TMEM164: variants seen among roughly 807,000 people sequenced by gnomAD.
The protein encoded by TMEM164 is RP13-360B22.2.
A neutral mutation model predicts 18.8 loss-of-function variants in TMEM164; 4 were observed. That is an observed-to-expected ratio of 0.21 (90% confidence interval 0.10 to 0.49). The LOEUF (loss-of-function observed/expected upper bound fraction) is 0.49, where lower values mean the gene tolerates loss of function less well. Among genes scored for constraint, TMEM164 ranks in the 20% least tolerant of loss-of-function variants. The pLI, the probability that TMEM164 is intolerant of heterozygous loss-of-function variation, is 0.98. For synonymous variants in TMEM164, 86 were observed against 101.7 expected, an observed-to-expected ratio of 0.85 and a Z score of 0.93; for missense variants, 108 against 239.9, an observed-to-expected ratio of 0.45 and a Z score of 3.63.
chrX:110,022,979 G>C (rs191961520), intron 2 of TMEM164, among the ~76,000 whole-genome samples: 1 of 112,556 alleles, frequency 8.9e-6, no homozygotes, highest in East Asian at 2.8e-4. Context: ...GCCAGGGCTG[G>C]TGTATATGGC....
Position 110,176,120 on chromosome X carries a change from G to A in TMEM164, c.*2669G>A, listed in dbSNP as rs1294440843. On this transcript the variant is annotated 3_prime_UTR_variant, in exon 7 of 7. Coordinates refer to ENST00000372068, the MANE Select transcript of TMEM164 (RefSeq NM_032227.4). ...CAGCGTGTGGGAGCTCTGCGCGTGT[G>A]TGAGGGTGTTTGTAGAAGAGGGCAG... 2.6e-6 allele frequency: 2 copies of A among 755,349 alleles called. No individual in the cohort carries two copies. The highest frequency in any genetic ancestry group is 1.7e-4 in the Admixed American group (2 of 11,475). 62.2% of individuals were successfully genotyped at this position (755,349 alleles called of 1,213,427 possible).
chrX:110,009,623 T>C (rs1602463404), intron 2 of TMEM164, among the ~76,000 whole-genome samples: 1 of 111,836 alleles, frequency 8.9e-6, no homozygotes, highest in East Asian at 2.8e-4. Context: ...ACCTGGATAA[T>C]GGTGACTGAA....
intron 3 of TMEM164, among the ~76,000 whole-genome samples, chrX:110,093,544 A>G (rs891899094): frequency 9.0e-6 from 1 of 111,583 alleles, no homozygotes; most frequent in Non-Finnish European, 1.9e-5. Context: ...CCCCTTTATC[A>G]TTTTTTATTG....
intron 5 of TMEM164, among the ~76,000 whole-genome samples, chrX:110,165,939 A>G (rs756986426): frequency 4.5e-4 from 51 of 112,382 alleles, no homozygotes; most frequent in African/African-American, 1.5e-3. Context: ...TAGCTGAAAC[A>G]TAAATTTGAC....
At chrX:110,138,069 G>A (rs143946190) in intron 4 of TMEM164, among the ~76,000 whole-genome samples, 1 of 112,128 alleles carries the variant, frequency 8.9e-6, no homozygotes, top group Non-Finnish European at 1.9e-5. Flanking sequence ...TCTTGCTAAG[G>A]CAGAATGATG....
At chrX:110,140,824 T>C (rs926811788) in intron 4 of TMEM164, among the ~76,000 whole-genome samples, 1 of 112,482 alleles carries the variant, frequency 8.9e-6, no homozygotes, top group African/African-American at 3.2e-5. Context: ...GAATTCCAGG[T>C]ATGAGTTCTC....
intron 3 of TMEM164, among the ~76,000 whole-genome samples, chrX:110,079,366 T>C (rs775265424): frequency 1.8e-5 from 2 of 112,128 alleles, no homozygotes; most frequent in East Asian, 5.6e-4. Flanking sequence ...CAAAATGTGT[T>C]GAGCATCCCC....
At chrX:110,124,583 G>A (rs2066503785) in intron 4 of TMEM164, among the ~76,000 whole-genome samples, 2 of 111,536 alleles carry the variant, frequency 1.8e-5, no homozygotes, top group African/African-American at 6.5e-5. Context: ...GTAGGATCCG[G>A]CCAGAGGAGC....
downstream of TMEM164, among the ~76,000 whole-genome samples, chrX:110,181,372 G>T (rs1451759693): frequency 8.9e-6 from 1 of 112,329 alleles, no homozygotes; most frequent in Non-Finnish European, 1.9e-5. Context: ...AGCACCTCAG[G>T]GTTGCTGGAG....
intron 4 of TMEM164, among the ~76,000 whole-genome samples, chrX:110,111,293 C>T (rs2066287086): frequency 8.9e-6 from 1 of 112,606 alleles, no homozygotes. Flanking sequence ...TAACAAAAAA[C>T]GGTGAATTTC....
intron 4 of TMEM164, among the ~76,000 whole-genome samples, chrX:110,113,426 A>G (rs1292672817): frequency 8.9e-6 from 1 of 112,213 alleles, no homozygotes; most frequent in Non-Finnish European, 1.9e-5. Context: ...TTAACATGAG[A>G]CACATGAGGA....
chrX:110,160,228 A>G (rs2148111006), intron 5 of TMEM164, among the ~76,000 whole-genome samples: 1 of 112,183 alleles, frequency 8.9e-6, no homozygotes. Flanking sequence ...GGGAAGTCAC[A>G]TCTTTATTTT....
intron 3 of TMEM164, among the ~76,000 whole-genome samples, chrX:110,098,684 T>G (rs1450149666): frequency 1.8e-5 from 2 of 111,697 alleles, no homozygotes; most frequent in Non-Finnish European, 3.8e-5. Flanking sequence ...TTTGCATTTC[T>G]CTAATGGTAG....
intron 2 of TMEM164, among the ~76,000 whole-genome samples, chrX:110,021,519 TTGTATGTGTGTGTGTG>T (rs899526442): frequency 2.7e-5 from 3 of 110,107 alleles, no homozygotes; most frequent in Middle Eastern, 4.7e-3. Context: ...GTGTGTGTGT[TTGTATGTGTGTGTGTG>T]TGTCAGACAG....
At chrX:110,105,691 C>G (rs868271506) in intron 3 of TMEM164, among the ~76,000 whole-genome samples, 1 of 99,257 alleles carries the variant, frequency 1.0e-5, no homozygotes, top group South Asian at 4.7e-4. Context: ...CACACACACA[C>G]ACACACACAC....
intron 3 of TMEM164, among the ~76,000 whole-genome samples, chrX:110,105,717 C>CACAG (rs1181204501): frequency 1.1e-5 from 1 of 94,628 alleles, no homozygotes; most frequent in African/African-American, 4.1e-5. Flanking sequence ...CACACACACA[C>CACAG]ACAGACACAC....
chrX:110,058,727 CAGG>C (rs1458981994), intron 2 of TMEM164, among the ~76,000 whole-genome samples: 57 of 105,616 alleles, frequency 5.4e-4, no homozygotes, highest in African/African-American at 2.0e-3. Context: ...CCTGCCTCAG[CAGG>C]AGAAGTAATC....
chrX:110,176,900 C>T lies in TMEM164; in HGVS notation c.*3449C>T, dbSNP rs1490620445. The T allele has an allele frequency of 8.9e-6, 1 of 112,684 alleles. No homozygotes were observed. The highest frequency in any genetic ancestry group is 1.9e-5 in the Non-Finnish European group (1 of 53,318). 9.3% of individuals were successfully genotyped at this position (112,684 alleles called of 1,213,427 possible). A position where few individuals can be genotyped will look rare whatever the true frequency, so the allele number is the denominator to read the frequency against. Reference sequence around the variant, plus strand: ...AAGGACCATGTGTGATGCTGTTAGACAAGACACTGACGCTGATTATGGAGG... The same window carrying T: ...AAGGACCATGTGTGATGCTGTTAGATAAGACACTGACGCTGATTATGGAGG... On this transcript the variant is annotated 3_prime_UTR_variant, in exon 7 of 7. Coordinates refer to ENST00000372068, the MANE Select transcript of TMEM164 (RefSeq NM_032227.4).
At chrX:110,067,154 G>GCGCACA (rs34465050) in intron 2 of TMEM164, among the ~76,000 whole-genome samples, 193 bp from the exon 3 acceptor site, 2,638 of 101,560 alleles carry the variant, frequency 0.026, 46 homozygotes, top group Non-Finnish European at 0.043. Context: ...TCATGTGTGC[G>GCGCACA]CACACACACA....
Sources: gnomAD v4.1 joint callset for allele counts (sites outside exome capture counted in the v4.1 genomes callset) on GRCh38, gnomAD v4.1.1 for gene constraint, MANE v1.5 for transcripts, NCBI Gene and HGNC (gene_info 2026-07-23, HGNC 2026-07-21) for gene names.